Variants in CSMD1 observed in about 807,000 individuals in gnomAD.
CSMD1 encodes the protein CUB and Sushi multiple domains 1.
In CSMD1, 213 loss-of-function variants were observed where a neutral mutation model predicts 417.5. The observed-to-expected ratio is 0.51, with a 90% CI of 0.46 to 0.57. CSMD1 has a LOEUF of 0.57. Among genes scored for constraint, CSMD1 ranks in the 20% least tolerant of loss-of-function variants. The pLI, the probability that CSMD1 is intolerant of heterozygous loss-of-function variation, is 0.00. For synonymous variants in CSMD1, 2,862 were observed against 1,736.8 expected, an observed-to-expected ratio of 1.65 and a Z score of -16.11; for missense variants, 6,923 against 4,529.7, an observed-to-expected ratio of 1.53 and a Z score of -15.17.
intron 5 of CSMD1, among the ~76,000 whole-genome samples, chr8:3,960,603 A>G (rs906001785): frequency 6.6e-6 from 1 of 152,164 alleles, no homozygotes; most frequent in Non-Finnish European, 1.5e-5. Context: ...TATTTTAAAT[A>G]TTGTATATAA....
At chr8:2,950,977 C>G in intron 66 of CSMD1, 137 bp downstream of exon 66, 1 of 733,732 alleles carries the variant, frequency 1.4e-6, no homozygotes. Flanking sequence ...TAGGGAGAGG[C>G]TCCAATGAGT....
At chr8:4,661,484 C>G (rs917073033) in intron 1 of CSMD1, among the ~76,000 whole-genome samples, 1 of 151,986 alleles carries the variant, frequency 6.6e-6, no homozygotes, top group Non-Finnish European at 1.5e-5. Context: ...ATGGGTTAGG[C>G]GGTGGGGTCA....
At chr8:4,584,897 T>A (rs1206771498) in intron 2 of CSMD1, among the ~76,000 whole-genome samples, 1 of 152,152 alleles carries the variant, frequency 6.6e-6, no homozygotes, top group African/African-American at 2.4e-5. Flanking sequence ...TTGGATTGGA[T>A]TAAGCAGCTC....
chr8:4,340,809 G>A (rs1489787881), intron 3 of CSMD1, among the ~76,000 whole-genome samples: 1 of 152,054 alleles, frequency 6.6e-6, no homozygotes, highest in East Asian at 1.9e-4. Context: ...TAACTATGCT[G>A]CTTACCCACT....
At position 4,284,317 on chromosome 8, in the gene CSMD1, G is replaced by A. The variant is rs561607713; in HGVS notation, c.415+135636C>T. On this transcript the variant is annotated intron_variant, in intron 3 of 69. Transcript: ENST00000635120. Reference sequence around the variant, plus strand: ...CAGGAGGCGGAGGTTGCCGTGAGCCGAGATCCTGCCAATGCACTCCAGCCT... The same window carrying A: ...CAGGAGGCGGAGGTTGCCGTGAGCCAAGATCCTGCCAATGCACTCCAGCCT... Among the ~76,000 whole-genome samples, 31 of 152,080 alleles carry A rather than the reference G, an allele frequency of 2.0e-4. No individual in the cohort carries two copies. The South Asian group carries it at 5.6e-3, about 28-fold the overall frequency.
At chr8:3,502,100 G>A (rs181912626) in intron 10 of CSMD1, among the ~76,000 whole-genome samples, 1 of 152,134 alleles carries the variant, frequency 6.6e-6, no homozygotes, top group Non-Finnish European at 1.5e-5. Context: ...AAAAACGTAT[G>A]TCCACACAAA....
At chr8:3,727,369 A>C (rs1802555209) in intron 6 of CSMD1, among the ~76,000 whole-genome samples, 2 of 152,178 alleles carry the variant, frequency 1.3e-5, no homozygotes, top group African/African-American at 2.4e-5. Flanking sequence ...AGGGTGCCAG[A>C]GAGCTGGCAG....
intron 26 of CSMD1, among the ~76,000 whole-genome samples, chr8:3,272,900 T>C (rs1486978214): frequency 6.7e-6 from 1 of 149,698 alleles, no homozygotes; most frequent in Non-Finnish European, 1.5e-5. Flanking sequence ...GACTTCCTCT[T>C]TTCCTAATTG....
chr8:3,682,334 C>G (rs924649275), intron 7 of CSMD1, among the ~76,000 whole-genome samples: 12 of 152,002 alleles, frequency 7.9e-5, no homozygotes, highest in African/African-American at 2.7e-4. Context: ...AGAACCCAAA[C>G]AAATTTACAA....
chr8:3,485,787 TAAAATAAAATAAAATA>T (rs1817997287), intron 11 of CSMD1, among the ~76,000 whole-genome samples: 1 of 138,726 alleles, frequency 7.2e-6, no homozygotes, highest in African/African-American at 2.8e-5. Flanking sequence ...TAAAATAAAA[TAAAATAAAATAAAATA>T]AAATAAAATA....
intron 1 of CSMD1, among the ~76,000 whole-genome samples, chr8:4,683,707 G>T (rs192257661): frequency 3.9e-5 from 6 of 152,174 alleles, no homozygotes; most frequent in Non-Finnish European, 8.8e-5. Flanking sequence ...GTCCCACCAG[G>T]GGTCCTGATT....
At chr8:3,149,153 C>T (rs1486686927) in intron 40 of CSMD1, among the ~76,000 whole-genome samples, 3 of 151,924 alleles carry the variant, frequency 2.0e-5, no homozygotes, top group Admixed American at 2.0e-4. Context: ...AATTTGGTTT[C>T]ATTGAAGTTT....
chr8:3,576,017 A>G (rs957410124), intron 9 of CSMD1, among the ~76,000 whole-genome samples: 1 of 152,100 alleles, frequency 6.6e-6, no homozygotes, highest in Admixed American at 6.5e-5. Flanking sequence ...ACATCCTATG[A>G]CACAAACTGA....
rs552394683 is a variant in CSMD1 at position 4,982,955 on chromosome 8, A to G, written c.85+11377T>C. 1.1e-3 allele frequency among the ~76,000 whole-genome samples: 166 copies of G among 152,306 alleles called. 2 individuals carry two copies. Among genetic ancestry groups the G allele is most frequent in the Non-Finnish European group, 5.9e-5 (4 of 68,032 alleles). ...CATAATCCTCTAATGTAATTCTTTAAAATTAAAAAGCGGAGAGATAAAATA... is the reference window on the plus strand; with the variant it reads ...CATAATCCTCTAATGTAATTCTTTAGAATTAAAAAGCGGAGAGATAAAATA... On this transcript the variant is annotated intron_variant, in intron 1 of 69. Coordinates refer to ENST00000635120, the MANE Select transcript of CSMD1 (RefSeq NM_033225.6).
chr8:4,587,117 T>G (rs1225067517), intron 2 of CSMD1, among the ~76,000 whole-genome samples: 1 of 152,184 alleles, frequency 6.6e-6, no homozygotes, highest in Non-Finnish European at 1.5e-5. Flanking sequence ...GCCAATAGAT[T>G]AGGTGCGCTC....
intron 26 of CSMD1, among the ~76,000 whole-genome samples, chr8:3,248,237 G>A (rs541886972): frequency 2.0e-5 from 3 of 152,320 alleles, no homozygotes; most frequent in East Asian, 3.9e-4. Flanking sequence ...GTAATAGGAA[G>A]AATGAAATTT....
chr8:4,500,800 G>A (rs911375149), intron 2 of CSMD1, among the ~76,000 whole-genome samples: 2 of 152,156 alleles, frequency 1.3e-5, no homozygotes, highest in Non-Finnish European at 2.9e-5. Flanking sequence ...AAGGAGGCAT[G>A]TTGACTTACG....
At chr8:3,766,621 A>G (rs533020883) in intron 5 of CSMD1, among the ~76,000 whole-genome samples, 3 of 152,282 alleles carry the variant, frequency 2.0e-5, no homozygotes, top group African/African-American at 7.2e-5. Context: ...GATCTCTATA[A>G]TAAATTCCAC....
At chr8:2,987,668 C>A (rs953147378) in intron 54 of CSMD1, among the ~76,000 whole-genome samples, 3 of 152,112 alleles carry the variant, frequency 2.0e-5, no homozygotes, top group African/African-American at 4.8e-5. Context: ...GGATGAATGC[C>A]CCCATAAGAG....
Sources: gnomAD v4.1 joint callset for allele counts (sites outside exome capture counted in the v4.1 genomes callset) on GRCh38, gnomAD v4.1.1 for gene constraint, MANE v1.5 for transcripts, NCBI Gene and HGNC (gene_info 2026-07-23, HGNC 2026-07-21) for gene names.